Variants in FAM120C observed in about 807,000 individuals in gnomAD.
FAM120C encodes the protein constitutive coactivator of PPAR-gamma-like protein 2.
In FAM120C, 14 loss-of-function variants were observed where a neutral mutation model predicts 71.2. The ratio of observed to expected loss-of-function variants is 0.20; its 90% CI spans 0.13 to 0.31. FAM120C has a LOEUF of 0.31. FAM120C is among the 10% of genes least tolerant of loss of function. The pLI, the probability that FAM120C is intolerant of heterozygous loss-of-function variation, is 1.00. For missense variants in FAM120C, 500 were observed against 879.0 expected (o/e 0.57, Z 5.45); for synonymous variants, 354 against 353.2 (o/e 1.00, Z -0.03).
chrX:54,167,882 C>T (rs912498775), intron 1 of FAM120C, among the ~76,000 whole-genome samples: 4 of 107,169 alleles, frequency 3.7e-5, no homozygotes, highest in Non-Finnish European at 5.8e-5. Context: ...GCAGGAGGAT[C>T]GCTTGAACCC....
intron 4 of FAM120C, among the ~76,000 whole-genome samples, chrX:54,142,340 T>A (rs1276854095): frequency 2.7e-5 from 3 of 112,030 alleles, no homozygotes; most frequent in African/African-American, 9.7e-5. Context: ...GGGAAGGCCA[T>A]GACAGATGGT....
intron 4 of FAM120C, among the ~76,000 whole-genome samples, chrX:54,142,200 A>G (rs1220651233): frequency 1.8e-5 from 2 of 111,789 alleles, no homozygotes; most frequent in African/African-American, 6.5e-5. Context: ...TTGCATTTCC[A>G]ACTGAGGTAG....
intron 11 of FAM120C, among the ~76,000 whole-genome samples, chrX:54,090,633 G>C (rs1446821321): frequency 8.1e-5 from 9 of 111,314 alleles, no homozygotes; most frequent in Non-Finnish European, 1.5e-4. Context: ...AAGCTGAGTA[G>C]ATGCTGGCAC....
At chrX:54,115,326 C>T (rs782128282) in intron 10 of FAM120C, among the ~76,000 whole-genome samples, 4 of 111,748 alleles carry the variant, frequency 3.6e-5, no homozygotes, top group Non-Finnish European at 5.6e-5. Context: ...AATGAGAAAA[C>T]TCAAATGGCT....
intron 10 of FAM120C, among the ~76,000 whole-genome samples, chrX:54,105,885 A>G (rs1186208800): frequency 8.9e-6 from 1 of 111,911 alleles, no homozygotes; most frequent in African/African-American, 3.2e-5. Flanking sequence ...AGAACTACAC[A>G]TTACTGTTCA....
chrX:54,102,095 C>T lies in FAM120C; in HGVS notation c.2313-10669G>A, dbSNP rs375972634. Among the ~76,000 whole-genome samples the T allele has an allele frequency of 5.9e-4, 64 of 109,283 alleles. No individual in the cohort carries two copies. The East Asian group carries it at 9.5e-3, about 16-fold the overall frequency. 94.9% of individuals were successfully genotyped at this position (109,283 alleles called of 115,157 possible). A position where few individuals can be genotyped will look rare whatever the true frequency, so the allele number is the denominator to read the frequency against. On this transcript the variant is annotated intron_variant, in intron 10 of 15. Coordinates refer to ENST00000375180, the MANE Select transcript of FAM120C (RefSeq NM_017848.6). ...TGTCACCCAGGCTGGAGTGCAGTGG[C>T]GTGATCATGGCTCACTGCAGCCTCC...
At chrX:54,079,671 C>T (rs1013058190) in intron 15 of FAM120C, among the ~76,000 whole-genome samples, 2 of 110,378 alleles carry the variant, frequency 1.8e-5, no homozygotes, top group Non-Finnish European at 1.9e-5. Flanking sequence ...GTGGTGCATG[C>T]CTATAATCCC....
chrX:54,156,000 T>C (rs1603362914), intron 3 of FAM120C, among the ~76,000 whole-genome samples: 2 of 111,417 alleles, frequency 1.8e-5, no homozygotes, highest in East Asian at 2.8e-4. Flanking sequence ...GATAGGAACA[T>C]GGACAGGTCA....
At chrX:54,148,187 A>T (rs1369350288) in intron 4 of FAM120C, among the ~76,000 whole-genome samples, 1 of 111,324 alleles carries the variant, frequency 9.0e-6, no homozygotes, top group Non-Finnish European at 1.9e-5. Context: ...AGACTGGGGG[A>T]AAATATTTGC....
intron 15 of FAM120C, among the ~76,000 whole-genome samples, chrX:54,079,299 GT>G (rs1363375388): frequency 9.1e-6 from 1 of 109,669 alleles, no homozygotes; most frequent in East Asian, 2.9e-4. Context: ...ACTTAGCAGG[GT>G]GTGGTGGCAC....
rs1557129857 is a variant in FAM120C at position 54,133,768 on chromosome X, C to G, written c.1890+5G>C. ...AGGGAGGTAGGTGCTGATGTGCTGC[C>G]TCACCTTAGTGAGGACATGGTAGAT... On this transcript the variant is annotated splice_donor_5th_base_variant and intron_variant, in intron 8 of 15. Coordinates refer to ENST00000375180, the MANE Select transcript of FAM120C (RefSeq NM_017848.6). 1 of 1,209,527 alleles carries G rather than the reference C, an allele frequency of 8.3e-7. No individual in the cohort carries two copies. The highest frequency in any genetic ancestry group is 3.0e-5 in the East Asian group (1 of 33,796).
At position 54,134,019 on chromosome X, in the gene FAM120C, C is replaced by T. The variant is rs2067081635; in HGVS notation, c.1644G>A (p.Gln548=). 1 of 1,208,982 alleles carries T rather than the reference C, an allele frequency of 8.3e-7. No individual in the cohort carries two copies. The highest frequency in any genetic ancestry group is 1.7e-5 in the African/African-American group (1 of 57,233). The change falls in exon 8 of 16, where the codon CAG becomes CAA. Residue 548 remains glutamine (Q), a synonymous_variant. Coordinates refer to ENST00000375180, the MANE Select transcript of FAM120C (RefSeq NM_017848.6). ...SDHITEAFHH[Q]PEWGNPNRDR... ...CACGATTGGGATTTCCCCACTCAGGCTGGTGATGAAATGCTTCTGTGATAT... is the reference window on the plus strand; with the variant it reads ...CACGATTGGGATTTCCCCACTCAGGTTGGTGATGAAATGCTTCTGTGATAT...
At chrX:54,095,804 G>C (rs2066848455) in intron 10 of FAM120C, among the ~76,000 whole-genome samples, 1 of 109,866 alleles carries the variant, frequency 9.1e-6, no homozygotes, top group South Asian at 4.0e-4. Context: ...TTACAGGCAT[G>C]CACCACCATG....
chrX:54,126,877 T>C (rs2067030172), intron 9 of FAM120C, among the ~76,000 whole-genome samples: 1 of 113,133 alleles, frequency 8.8e-6, no homozygotes, highest in Admixed American at 9.4e-5. Context: ...TGCATCCATA[T>C]TGTCTTAGTC....
At chrX:54,170,941 G>A (rs1557135862) in intron 1 of FAM120C, among the ~76,000 whole-genome samples, 1 of 111,620 alleles carries the variant, frequency 9.0e-6, no homozygotes, top group Non-Finnish European at 1.9e-5. Context: ...GAAAGAGAGC[G>A]AGAATCCAAG....
At chrX:54,108,441 T>C (rs1557125167) in intron 10 of FAM120C, among the ~76,000 whole-genome samples, 1 of 110,664 alleles carries the variant, frequency 9.0e-6, no homozygotes, top group Non-Finnish European at 1.9e-5. Flanking sequence ...AAATTATATA[T>C]GGAAGAGTAA....
chrX:54,116,561 T>G lies in FAM120C; in HGVS notation c.2296A>C (p.Met766Leu), dbSNP rs1603355671. 2.5e-6 allele frequency: 3 copies of G among 1,211,498 alleles called. No homozygotes were observed. The highest frequency in any genetic ancestry group is 3.4e-6 in the Non-Finnish European group (3 of 895,346). The part of the protein sequence containing the change: ...PANVPTHLLL[M>L]CCVLRYMVQW... ...GTAGCTTACCGGAGTACACAACACA[T>G]GAGCAGCAGATGGGTGGGGACATTA... The change falls in exon 10 of 16, where the codon ATG becomes CTG. Residue 766 changes from methionine (M) to leucine (L), a missense_variant. Physicochemically the swap from Met to Leu is conservative, Grantham distance 15. Around this residue, in one of 11 missense-constraint regions of FAM120C, gnomAD observed 104 missense variants for 254.5 expected, o/e 0.41. Transcript: ENST00000375180.
intron 1 of FAM120C, among the ~76,000 whole-genome samples, chrX:54,164,072 T>C (rs1189112518): frequency 9.1e-6 from 1 of 110,177 alleles, no homozygotes; most frequent in Non-Finnish European, 1.9e-5. Context: ...AGCTGGATTA[T>C]AGGCACATGC....
intron 10 of FAM120C, among the ~76,000 whole-genome samples, chrX:54,093,493 T>G (rs1340500036): frequency 8.9e-6 from 1 of 112,062 alleles, no homozygotes; most frequent in East Asian, 2.8e-4. Flanking sequence ...GTTTACACTT[T>G]AATGTTAATT....
Sources: allele counts gnomAD v4.1 joint callset (sites outside exome capture counted in the v4.1 genomes callset), GRCh38; gene constraint gnomAD v4.1.1; regional missense constraint gnomAD v4.1.1; transcripts MANE v1.5; gene names NCBI Gene and HGNC (gene_info 2026-07-23, HGNC 2026-07-21).